MTHFD1L: variants seen among roughly 807,000 people sequenced by gnomAD.
MTHFD1L encodes methylenetetrahydrofolate dehydrogenase (NADP+ dependent) 1 like, also known as monofunctional C1-tetrahydrofolate synthase, mitochondrial.
Under a neutral mutation model 119.5 loss-of-function variants are expected in MTHFD1L, and 81 were observed. That is an observed-to-expected ratio of 0.68 (90% CI 0.57 to 0.82). The LOEUF is 0.82. Among genes scored for constraint, MTHFD1L ranks in the 40% least tolerant of loss-of-function variants. The pLI, the probability that MTHFD1L is intolerant of heterozygous loss-of-function variation, is 0.00. For synonymous variants in MTHFD1L, 430 were observed against 475.2 expected (o/e 0.90, Z 1.24); for missense variants, 1,125 against 1,253.4 (o/e 0.90, Z 1.55).
chr6:150,962,075 T>C (rs1771807), intron 18 of MTHFD1L, among the ~76,000 whole-genome samples: 100,877 of 152,004 alleles, frequency 0.66, 33,835 homozygotes, highest in South Asian at 0.7. Flanking sequence ...CTGCAACCTC[T>C]GCCTCCCAGA....
chr6:151,066,802 G>T (rs913903198), intron 26 of MTHFD1L, among the ~76,000 whole-genome samples: 3 of 151,582 alleles, frequency 2.0e-5, no homozygotes, highest in African/African-American at 4.8e-5. Context: ...TCTACTGTTG[G>T]TTCTTCCAAA....
chr6:150,872,795 AT>A lies in MTHFD1L; in HGVS notation c.228-3286del, dbSNP rs1186340269. On this transcript the variant is annotated intron_variant, in intron 1 of 27. Coordinates refer to ENST00000367321, the MANE Select transcript of MTHFD1L (RefSeq NM_015440.5). ...AGCACAAAAAATGATGTATGCCTGT[AT>A]TTTTTTTTCTATCCACATCCACCCC... Among the ~76,000 whole-genome samples, 128 of 148,340 alleles carry A rather than the reference AT, an allele frequency of 8.6e-4. 1 individual carries two copies. Among genetic ancestry groups the A allele is most frequent in the African/African-American group, 2.7e-3 (108 of 40,412 alleles).
intron 20 of MTHFD1L, among the ~76,000 whole-genome samples, chr6:150,981,505 GT>G (rs1777494072): frequency 6.6e-6 from 1 of 152,110 alleles, no homozygotes; most frequent in South Asian, 2.1e-4. Context: ...TTTTTTATGT[GT>G]TTTCAAATTT....
intron 26 of MTHFD1L, among the ~76,000 whole-genome samples, chr6:151,090,892 T>TCGCCCCATGCGACTGGG (rs1562651197): frequency 7.5e-5 from 10 of 133,312 alleles, no homozygotes; most frequent in East Asian, 4.6e-4. Flanking sequence ...GGGTGCAGCA[T>TCGCCCCATGCGACTGGG]TGCCCCATGC....
Position 150,901,473 on chromosome 6 carries a change from G to A in MTHFD1L, c.781-4177G>A, listed in dbSNP as rs941451534. Among the ~76,000 whole-genome samples, 7 of 152,298 alleles carry A rather than the reference G, an allele frequency of 4.6e-5. No individual in the cohort carries two copies. In the East Asian group the frequency reaches 9.6e-4, roughly 21 times the overall value. On this transcript the variant is annotated intron_variant, in intron 7 of 27. Coordinates refer to ENST00000367321, the MANE Select transcript of MTHFD1L (RefSeq NM_015440.5). ...AGCCTAGAGGACAGAGTGAGACCCC[G>A]TCTCCAAAAATAAATAAATTAATTA...
At chr6:151,047,626 T>G (rs1388460603) in intron 26 of MTHFD1L, among the ~76,000 whole-genome samples, 2 of 152,166 alleles carry the variant, frequency 1.3e-5, no homozygotes, top group South Asian at 4.2e-4. Flanking sequence ...AAAGAGCCAA[T>G]TCCATCCTAG....
chr6:151,027,050 C>T lies in MTHFD1L; in HGVS notation c.2587-7443C>T, dbSNP rs748915328. ...TTCACCATGTTGGCCAGGATGGTCT[C>T]GATCTCTTAACCTCATGATCCGCCC... On this transcript the variant is annotated intron_variant, in intron 24 of 27. Transcript: ENST00000367321. Among the ~76,000 whole-genome samples, 3 of 151,940 alleles carry T rather than the reference C, an allele frequency of 2.0e-5. No individual in the cohort carries two copies. The East Asian group carries it at 5.8e-4, about 30-fold the overall frequency.
At chr6:150,907,315 C>G (rs531842364) in intron 8 of MTHFD1L, among the ~76,000 whole-genome samples, 1 of 151,894 alleles carries the variant, frequency 6.6e-6, no homozygotes, top group Admixed American at 6.6e-5. Context: ...CTTTTAGGAC[C>G]CTTATTTTTG....
Position 151,014,869 on chromosome 6 carries a change from C to CT in MTHFD1L, c.2308-5dup. ...ACAGGGGTCTGGGTTTTGCTTTTTT[C>CT]TTTTTTACAGAACATCCAGCTGGTG... On this transcript the variant is annotated splice_polypyrimidine_tract_variant and intron_variant, in intron 22 of 27. Coordinates refer to ENST00000367321, the MANE Select transcript of MTHFD1L (RefSeq NM_015440.5). 3 of 1,612,286 alleles carry CT rather than the reference C, an allele frequency of 1.9e-6. No individual in the cohort carries two copies. The highest frequency in any genetic ancestry group is 1.1e-5 in the South Asian group (1 of 90,850).
intron 7 of MTHFD1L, among the ~76,000 whole-genome samples, chr6:150,889,826 T>G (rs1338642315): frequency 6.6e-6 from 1 of 152,034 alleles, no homozygotes; most frequent in Non-Finnish European, 1.5e-5. Context: ...TTTAATGGAG[T>G]TTGAGCTACT....
In MTHFD1L at chr6:150,877,617, GT is replaced by G; in HGVS notation, c.313-12del. ...CAAGCTATTTTTATGTTGTTATGTT[GT>G]TTTTACCTTCCTAAGGCAGGTGACG... On this transcript the variant is annotated splice_polypyrimidine_tract_variant and intron_variant, in intron 2 of 27. Coordinates refer to ENST00000367321, the MANE Select transcript of MTHFD1L (RefSeq NM_015440.5). The G allele has an allele frequency of 6.2e-7, 1 of 1,613,718 alleles. No individual in the cohort carries two copies. Among genetic ancestry groups the G allele is most frequent in the Admixed American group, 1.7e-5 (1 of 60,000 alleles).
chr6:151,026,382 C>G (rs1472655680), intron 24 of MTHFD1L, among the ~76,000 whole-genome samples: 2 of 152,184 alleles, frequency 1.3e-5, no homozygotes, highest in Non-Finnish European at 2.9e-5. Flanking sequence ...GCCTGATATC[C>G]CATGTGGCTA....
At position 151,064,606 on chromosome 6, in the gene MTHFD1L, C is replaced by G. The variant is rs530569070; in HGVS notation, c.2847+27489C>G. Among the ~76,000 whole-genome samples, 4 of 152,236 alleles carry G rather than the reference C, an allele frequency of 2.6e-5. No individual in the cohort carries two copies. The East Asian group carries it at 7.7e-4, about 29-fold the overall frequency. ...GGAATTATAGGCATGAGCCGCCGTG[C>G]CCAGCCAGTGTTAAATTATTTTTAA... On this transcript the variant is annotated intron_variant, in intron 26 of 27. Transcript: ENST00000367321.
chr6:150,902,293 C>A (rs974553948), intron 7 of MTHFD1L, among the ~76,000 whole-genome samples: 2 of 152,156 alleles, frequency 1.3e-5, no homozygotes, highest in African/African-American at 4.8e-5. Flanking sequence ...CACCCCCACA[C>A]GCTCCCTGTT....
rs576381136 is a variant in MTHFD1L, at chr6:150,925,674, A to G, written c.1083-448A>G. On this transcript the variant is annotated intron_variant, in intron 10 of 27. Transcript: ENST00000367321. ...TTTTTTGTACTTAATCTCTAATGTG[A>G]TAGTAATGTTCACATTTTTGAATAG... Among the ~76,000 whole-genome samples, 8 of 152,132 alleles carry G rather than the reference A, an allele frequency of 5.3e-5. No individual in the cohort carries two copies. The South Asian group carries it at 1.7e-3, about 32-fold the overall frequency.
At chr6:150,981,143 G>T (rs1777429558) in intron 20 of MTHFD1L, among the ~76,000 whole-genome samples, 1 of 152,086 alleles carries the variant, frequency 6.6e-6, no homozygotes, top group Non-Finnish European at 1.5e-5. Context: ...TTATGAATGA[G>T]ATGTGTGTCC....
chr6:150,996,666 G>A (rs1016604276), intron 20 of MTHFD1L, among the ~76,000 whole-genome samples: 1 of 152,208 alleles, frequency 6.6e-6, no homozygotes, highest in East Asian at 1.9e-4. Context: ...CTGAGCAGCC[G>A]GCTGGGCCAA....
At chr6:151,012,045 A>AAAAAAAAC in intron 21 of MTHFD1L, among the ~76,000 whole-genome samples, 1 of 147,566 alleles carries the variant, frequency 6.8e-6, no homozygotes, top group Non-Finnish European at 1.5e-5. Flanking sequence ...AAAAAAAAAA[A>AAAAAAAAC]AAAAAACCAG....
At chr6:151,073,446 C>G (rs1307100927) in intron 26 of MTHFD1L, among the ~76,000 whole-genome samples, 7 of 152,098 alleles carry the variant, frequency 4.6e-5, no homozygotes, top group African/African-American at 1.4e-4. Context: ...ACATCCAATC[C>G]AAAATTAGCA....
Sources: allele counts gnomAD v4.1 joint callset (sites outside exome capture counted in the v4.1 genomes callset), GRCh38; gene constraint gnomAD v4.1.1; transcripts MANE v1.5; gene names NCBI Gene and HGNC (gene_info 2026-07-23, HGNC 2026-07-21).